Variants in DYNLL1 observed in about 807,000 individuals in gnomAD.
The protein encoded by DYNLL1 is dynein light chain 1, cytoplasmic.
In DYNLL1, 3 loss-of-function variants were observed where a neutral mutation model predicts 10.1. That is an observed-to-expected ratio of 0.30 (90% confidence interval 0.14 to 0.77). DYNLL1 has a LOEUF of 0.77. Ranked by LOEUF, DYNLL1 falls within the 30% of genes least tolerant of loss-of-function variation. DYNLL1 has a pLI of 0.66. For missense variants in DYNLL1, 47 were observed against 111.7 expected (o/e 0.42, Z 2.61); for synonymous variants, 46 against 41.2 (o/e 1.12, Z -0.45).
intron 1 of DYNLL1, among the ~76,000 whole-genome samples, chr12:120,487,346 G>A (rs1879020784): frequency 7.6e-6 from 1 of 130,968 alleles, no homozygotes; most frequent in Non-Finnish European, 1.6e-5. Context: ...AGGCTGGAGT[G>A]CAGTGGCGCG....
rs117120622 is a variant in DYNLL1, at chr12:120,477,763, A to G, written c.-7+7659A>G. On this transcript the variant is annotated intron_variant, in intron 1 of 2. Coordinates refer to the DYNLL1 transcript ENST00000392509. ...GTACTCCAGCCTGGGTGACAGAGCAAGACCCCGTCTCTGAAAAATAAAGTA... is the reference window on the plus strand; with the variant it reads ...GTACTCCAGCCTGGGTGACAGAGCAGGACCCCGTCTCTGAAAAATAAAGTA... Among the ~76,000 whole-genome samples the G allele has an allele frequency of 3.0e-3, 458 of 152,068 alleles. 7 individuals carry two copies. The highest frequency in any genetic ancestry group is 0.018 in the Admixed American group (276 of 15,272).
At chr12:120,482,814 A>G (rs1217762943) in intron 1 of DYNLL1, among the ~76,000 whole-genome samples, 1 of 152,182 alleles carries the variant, frequency 6.6e-6, no homozygotes, top group Non-Finnish European at 1.5e-5. Context: ...CAGAATAGAC[A>G]GCCCAGGCCA....
rs1868424490 is a variant in DYNLL1 at position 120,496,679 on chromosome 12, C to T, written c.132+126C>T. The stretch of plus-strand genomic sequence containing the variant: ...CTGGCGGCTTGGGGCGTAGAAGCTT[C>T]CAGAAAGGACGCAGATGCATTTTGC... On this transcript the variant is annotated intron_variant, in intron 2 of 2. Transcript: ENST00000242577. 8 of 1,516,184 alleles carry T rather than the reference C, an allele frequency of 5.3e-6. No homozygotes were observed. In the East Asian group the frequency reaches 6.9e-5, roughly 13 times the overall value. The allele number at this position is 1,516,184 out of a possible 1,614,324, so 93.9% of individuals were successfully genotyped here. A position where few individuals can be genotyped will look rare whatever the true frequency, so the allele number is the denominator to read the frequency against.
chr12:120,484,828 T>C (rs1289998267), intron 1 of DYNLL1, among the ~76,000 whole-genome samples: 1 of 152,022 alleles, frequency 6.6e-6, no homozygotes, highest in Non-Finnish European at 1.5e-5. Context: ...AACCTCCGCT[T>C]TGCTTCCTGG....
chr12:120,473,044 C>T (rs756503231), intron 1 of DYNLL1, among the ~76,000 whole-genome samples: 1 of 151,944 alleles, frequency 6.6e-6, no homozygotes, highest in Non-Finnish European at 1.5e-5. Context: ...TGTATGAGGC[C>T]CAGGGCATGC....
intron 2 of DYNLL1, chr12:120,497,267 C>T (rs1447594725): frequency 6.5e-6 from 1 of 153,226 alleles, no homozygotes; most frequent in Non-Finnish European, 1.5e-5. Context: ...GCTCCACAAA[C>T]ACTTGTAAGA....
At chr12:120,471,805 G>A (rs1339509960) in intron 1 of DYNLL1, among the ~76,000 whole-genome samples, 2 of 152,014 alleles carry the variant, frequency 1.3e-5, no homozygotes, top group Non-Finnish European at 2.9e-5. Context: ...TAGAGACAGG[G>A]TTTCACCGTG....
chr12:120,481,600 CAGG>C (rs1878880481), intron 1 of DYNLL1, among the ~76,000 whole-genome samples: 1 of 152,216 alleles, frequency 6.6e-6, no homozygotes, highest in Non-Finnish European at 1.5e-5. Context: ...CGGGGCACAG[CAGG>C]AGGAGGTGGG....
intron 1 of DYNLL1, among the ~76,000 whole-genome samples, chr12:120,470,976 C>T (rs977560868): frequency 1.3e-5 from 2 of 151,954 alleles, no homozygotes; most frequent in Admixed American, 6.6e-5. Flanking sequence ...GCCCGGGAGG[C>T]GAAGGTTGCA....
intron 1 of DYNLL1, among the ~76,000 whole-genome samples, chr12:120,471,401 C>T (rs1878647933): frequency 6.6e-6 from 1 of 151,542 alleles, no homozygotes; most frequent in Non-Finnish European, 1.5e-5. Flanking sequence ...CAAAAACAAA[C>T]AAAAAAAGGG....
At chr12:120,473,396 C>CA (rs962377389) in intron 1 of DYNLL1, among the ~76,000 whole-genome samples, 2 of 151,648 alleles carry the variant, frequency 1.3e-5, no homozygotes, top group African/African-American at 2.4e-5. Flanking sequence ...CCTATCTCTA[C>CA]AAAAAACTTA....
intron 1 of DYNLL1, among the ~76,000 whole-genome samples, chr12:120,479,000 T>C (rs11065134): frequency 0.98 from 145,606 of 148,962 alleles, 71,251 homozygotes; most frequent in Middle Eastern, 1. Flanking sequence ...ACTGTCTCTA[T>C]TAAAAATACA....
chr12:120,476,455 T>TGCAG (rs1878754566), intron 1 of DYNLL1, among the ~76,000 whole-genome samples: 1 of 152,168 alleles, frequency 6.6e-6, no homozygotes, highest in East Asian at 1.9e-4. Context: ...CCAGCACATG[T>TGCAG]GCAGGGCTTC....
intron 1 of DYNLL1, among the ~76,000 whole-genome samples, chr12:120,483,995 G>A (rs537843754): frequency 1.3e-5 from 2 of 152,118 alleles, no homozygotes; most frequent in Non-Finnish European, 2.9e-5. Context: ...GGTGGTCACC[G>A]GTGACCACCA....
intron 1 of DYNLL1, among the ~76,000 whole-genome samples, chr12:120,472,921 T>G (rs941045263): frequency 6.6e-6 from 1 of 152,196 alleles, no homozygotes; most frequent in African/African-American, 2.4e-5. Context: ...TATGACTTCA[T>G]GTTCAAAGGG....
At position 120,480,967 on chromosome 12, in the gene DYNLL1, G is replaced by A. The variant is rs527956724; in HGVS notation, c.-7+10863G>A. ...GTAGACATGGGGTTTCACCATGTTC[G>A]CCAGGATGGTCTCGATCTCCTGACC... On this transcript the variant is annotated intron_variant, in intron 1 of 2. Transcript: ENST00000392509. 6.8e-4 allele frequency among the ~76,000 whole-genome samples: 104 copies of A among 152,014 alleles called. 1 individual carries two copies. In the East Asian group the frequency reaches 0.016, roughly 24 times the overall value.
At chr12:120,496,105 G>A (rs926594124), upstream of DYNLL1, 3 of 464,230 alleles carry the variant, frequency 6.5e-6, no homozygotes, top group Non-Finnish European at 1.2e-5. Context: ...GCTGGCGTGG[G>A]GCTGCTTAGA....
chr12:120,478,160 G>C (rs1878798318), intron 1 of DYNLL1, among the ~76,000 whole-genome samples: 2 of 151,080 alleles, frequency 1.3e-5, no homozygotes, highest in Admixed American at 1.3e-4. Context: ...CCAGGCTAGA[G>C]TGCAATGGCA....
intron 1 of DYNLL1, among the ~76,000 whole-genome samples, chr12:120,483,184 A>C (rs1469702140): frequency 6.6e-6 from 1 of 151,962 alleles, no homozygotes; most frequent in East Asian, 1.9e-4. Flanking sequence ...CTAAAAATAC[A>C]AAAATTATCT....
Sources: allele counts gnomAD v4.1 joint callset (sites outside exome capture counted in the v4.1 genomes callset), GRCh38; gene constraint gnomAD v4.1.1; transcripts MANE v1.5; gene names NCBI Gene and HGNC (gene_info 2026-07-23, HGNC 2026-07-21).